Variants in INCA1 observed in about 807,000 individuals in gnomAD.
INCA1 encodes the protein inhibitor of CDK, cyclin A1 interacting protein 1, also known as protein INCA1.
Under a neutral mutation model 25.7 loss-of-function variants are expected in INCA1, and 28 were observed. The observed-to-expected ratio is 1.09, with a 90% CI of 0.81 to 1.49. INCA1 has a LOEUF of 1.49. Ranked by LOEUF, INCA1 falls within the 40% of genes most tolerant of loss-of-function variation. The pLI, the probability that INCA1 is intolerant of heterozygous loss-of-function variation, is 0.00. For synonymous variants in INCA1, 111 were observed against 103.6 expected (o/e 1.07, Z -0.43); for missense variants, 309 against 290.9 (o/e 1.06, Z -0.45).
chr17:4,988,347 C>T (rs1973512872), exon 7 of INCA1: 7 of 1,522,900 alleles, frequency 4.6e-6, no homozygotes, highest in African/African-American at 4.2e-5. Flanking sequence ...ACTCTAGTGA[C>T]GGAACTAGTC....
At chr17:4,994,243 A>G (rs925309740) in intron 2 of INCA1, 151 bp downstream of exon 2, 5 of 760,532 alleles carry the variant, frequency 6.6e-6, no homozygotes, top group Non-Finnish European at 1.1e-5. Flanking sequence ...TGTTCAAACT[A>G]TTTGTTGAAT....
rs540719490 is a variant in INCA1 at position 4,988,990 on chromosome 17, T to G, written c.396-46A>C. On this transcript the variant is annotated intron_variant, in intron 5 of 6. Coordinates refer to ENST00000576820, the Ensembl canonical transcript of INCA1. ...GGAGAGAAGTGCCTGGAGGCCAGGCTTCCTGTCTCTCCATTCTTCACCTTT... is the reference window on the plus strand; with the variant it reads ...GGAGAGAAGTGCCTGGAGGCCAGGCGTCCTGTCTCTCCATTCTTCACCTTT... 1.5e-5 allele frequency: 23 copies of G among 1,554,470 alleles called. No homozygotes were observed. The South Asian group carries it at 2.5e-4, about 17-fold the overall frequency.
chr17:4,994,287 C>A (rs1232229193), intron 2 of INCA1, 107 bp downstream of exon 2: 19 of 953,952 alleles, frequency 2.0e-5, no homozygotes, highest in Middle Eastern at 3.0e-4. Flanking sequence ...TGAGACCAGG[C>A]ATTGCATTTC....
chr17:4,994,507 T>G (rs936024172), intron 1 of INCA1, 32 bp from the exon 2 acceptor site: 17 of 1,554,044 alleles, frequency 1.1e-5, no homozygotes, highest in Non-Finnish European at 1.4e-5. Flanking sequence ...AGTCATTCAT[T>G]CGGGCTGGAT....
At chr17:4,989,364 G>C (rs570356742) in intron 5 of INCA1, 64 bp downstream of exon 5, 29 of 1,488,954 alleles carry the variant, frequency 1.9e-5, no homozygotes, top group Middle Eastern at 3.7e-4. Context: ...CCCTTCCTTA[G>C]CTCAAACTGT....
intron 2 of INCA1, among the ~76,000 whole-genome samples, chr17:4,992,119 T>C (rs1405030463): frequency 6.6e-6 from 1 of 152,132 alleles, no homozygotes; most frequent in East Asian, 1.9e-4. Context: ...ATCCATACAA[T>C]GATAATTATT....
chr17:4,990,012 CT>C (rs1429776292), intron 3 of INCA1, 83 bp from the exon 4 acceptor site: 17 of 1,611,942 alleles, frequency 1.1e-5, no homozygotes, highest in Non-Finnish European at 1.4e-5. Flanking sequence ...TCCCGACCTC[CT>C]TTCTGTCATT....
chr17:4,988,384 C>T, exon 7 of INCA1: 2 of 1,579,834 alleles, frequency 1.3e-6, no homozygotes, highest in Non-Finnish European at 1.7e-6. Context: ...CCACTAGCCT[C>T]TCGGCATCGG....
intron 5 of INCA1, 50 bp downstream of exon 5, chr17:4,989,378 G>T: frequency 6.5e-7 from 1 of 1,544,230 alleles, no homozygotes. Context: ...AAACTGTTCT[G>T]CCCCCAAATC....
chr17:4,990,120 T>C, intron 3 of INCA1, 32 bp downstream of exon 3: 1 of 1,613,736 alleles, frequency 6.2e-7, no homozygotes, highest in Non-Finnish European at 8.5e-7. Flanking sequence ...TAAGACCACA[T>C]CCAGTTAGTT....
intron 5 of INCA1, 128 bp from the exon 6 acceptor site, chr17:4,989,072 C>T (rs1973609879): frequency 1.9e-6 from 2 of 1,045,514 alleles, no homozygotes; most frequent in Admixed American, 2.8e-5. Flanking sequence ...ACCTTTAACC[C>T]TCCACTCCCA....
At chr17:4,996,178 A>T (rs1012699669) in intron 1 of INCA1, among the ~76,000 whole-genome samples, 1 of 152,084 alleles carries the variant, frequency 6.6e-6, no homozygotes, top group Non-Finnish European at 1.5e-5. Flanking sequence ...CGAGCCCAGG[A>T]GTTTGAGACC....
At chr17:4,988,182 G>A (rs1973492068), downstream of INCA1, 2 of 460,316 alleles carry the variant, frequency 4.3e-6, no homozygotes, top group Non-Finnish European at 7.6e-6. Flanking sequence ...GGCCAGGAGC[G>A]GGGCCTGGAG....
At position 4,996,446 on chromosome 17, in the gene INCA1, C is replaced by A. The variant is rs1288632355; in HGVS notation, c.-39+557G>T. 2.7e-5 allele frequency among the ~76,000 whole-genome samples: 4 copies of A among 150,918 alleles called. No homozygotes were observed. The East Asian group carries it at 7.8e-4, about 29-fold the overall frequency. On this transcript the variant is annotated intron_variant, in intron 1 of 6. Transcript: ENST00000576820. ...ACTGTAATCCCAGCACTTTGGGAGGCTGAGGTGGGCGGATCACTTGAGGTC... is the reference window on the plus strand; with the variant it reads ...ACTGTAATCCCAGCACTTTGGGAGGATGAGGTGGGCGGATCACTTGAGGTC...
chr17:4,994,526 T>C (rs1974098816), intron 1 of INCA1, 51 bp from the exon 2 acceptor site: 2 of 1,426,090 alleles, frequency 1.4e-6, no homozygotes, highest in Middle Eastern at 2.0e-4. Flanking sequence ...ATGTGGTGGC[T>C]CACGCCTGTA....
chr17:4,990,066 A>G (rs2143177187), intron 3 of INCA1, 86 bp downstream of exon 3: 6 of 1,610,492 alleles, frequency 3.7e-6, no homozygotes, highest in Non-Finnish European at 5.1e-6. Context: ...TTAACCGCAG[A>G]CTAGGGCCTA....
intron 2 of INCA1, among the ~76,000 whole-genome samples, chr17:4,992,893 T>C (rs1265555580): frequency 6.6e-6 from 1 of 151,826 alleles, no homozygotes; most frequent in Non-Finnish European, 1.5e-5. Flanking sequence ...TGTTTTTGTT[T>C]TTTGAGATGG....
intron 1 of INCA1, among the ~76,000 whole-genome samples, chr17:4,995,446 G>C (rs1374382960): frequency 6.6e-6 from 1 of 152,184 alleles, no homozygotes; most frequent in Non-Finnish European, 1.5e-5. Context: ...TTGGGGGTAA[G>C]AGAAGTGACA....
At chr17:4,989,488 C>T (rs750197169) in exon 5 of INCA1, 24 of 1,614,104 alleles carry the variant, frequency 1.5e-5, no homozygotes, top group East Asian at 8.9e-5. Context: ...AGCCCTCACC[C>T]GGGCGGGGAC....
Sources: allele counts gnomAD v4.1 joint callset (sites outside exome capture counted in the v4.1 genomes callset), GRCh38; gene constraint gnomAD v4.1.1; transcripts MANE v1.5; gene names NCBI Gene and HGNC (gene_info 2026-07-23, HGNC 2026-07-21).